The following SGCZ variants were observed in gnomAD, a reference collection of about 807,000 sequenced individuals.
The protein encoded by SGCZ is zeta-sarcoglycan.
In SGCZ, 40 loss-of-function variants were observed where a neutral mutation model predicts 41.3. That is an observed-to-expected ratio of 0.97 (90% CI 0.75 to 1.26). The LOEUF (loss-of-function observed/expected upper bound fraction) is 1.26. Ranked by LOEUF, SGCZ falls within the 50% of genes most tolerant of loss-of-function variation. The pLI, the probability that SGCZ is intolerant of heterozygous loss-of-function variation, is 0.00. For synonymous variants in SGCZ, 206 were observed against 137.5 expected, an observed-to-expected ratio of 1.50 and a Z score of -3.49; for missense variants, 552 against 369.8, an observed-to-expected ratio of 1.49 and a Z score of -4.04.
intron 2 of SGCZ, among the ~76,000 whole-genome samples, chr8:14,463,331 CA>C (rs1360966622): frequency 6.8e-6 from 1 of 146,406 alleles, no homozygotes; most frequent in Non-Finnish European, 1.5e-5. Context: ...ATACAGTAAT[CA>C]ATAGTGTAGT....
intron 1 of SGCZ, among the ~76,000 whole-genome samples, chr8:15,137,867 G>T (rs1162695952): frequency 6.6e-6 from 1 of 152,204 alleles, no homozygotes; most frequent in Non-Finnish European, 1.5e-5. Flanking sequence ...AGTCCCCACT[G>T]GGGCACTGCC....
At chr8:15,169,799 C>G (rs551319573) in intron 1 of SGCZ, among the ~76,000 whole-genome samples, 9 of 152,308 alleles carry the variant, frequency 5.9e-5, no homozygotes, top group South Asian at 2.1e-4. Flanking sequence ...GGCTCCATCT[C>G]CCAATACCAC....
At chr8:14,579,230 C>T (rs988805732) in intron 1 of SGCZ, among the ~76,000 whole-genome samples, 2 of 152,100 alleles carry the variant, frequency 1.3e-5, no homozygotes, top group East Asian at 1.9e-4. Context: ...GTGTTGAATG[C>T]TTTACTAAAT....
chr8:14,490,130 T>C (rs1801801580), intron 2 of SGCZ, among the ~76,000 whole-genome samples: 1 of 152,114 alleles, frequency 6.6e-6, no homozygotes. Context: ...CCTTCAAAAG[T>C]TCTGGGATTA....
chr8:14,816,735 G>C (rs181906971), intron 1 of SGCZ, among the ~76,000 whole-genome samples: 54 of 152,252 alleles, frequency 3.5e-4, no homozygotes, highest in Non-Finnish European at 7.2e-4. Flanking sequence ...TAAAAGAATT[G>C]TAAGCTCCAT....
At chr8:14,979,053 C>G (rs980995043) in intron 1 of SGCZ, among the ~76,000 whole-genome samples, 1 of 152,190 alleles carries the variant, frequency 6.6e-6, no homozygotes, top group Non-Finnish European at 1.5e-5. Context: ...CCTGCCTCAG[C>G]CTTCCAAAGT....
chr8:14,788,300 G>A (rs1054952941), intron 1 of SGCZ, among the ~76,000 whole-genome samples: 12 of 152,254 alleles, frequency 7.9e-5, no homozygotes, highest in Middle Eastern at 3.4e-3. Context: ...AGTGTGGAAA[G>A]GGCACTGAAC....
chr8:14,986,713 T>G lies in SGCZ; in HGVS notation c.39+250872A>C, dbSNP rs537333824. Among the ~76,000 whole-genome samples, 39 of 152,158 alleles carry G rather than the reference T, an allele frequency of 2.6e-4. No individual in the cohort carries two copies. In the East Asian group the frequency reaches 6.2e-3, roughly 24 times the overall value. On this transcript the variant is annotated intron_variant, in intron 1 of 7. Transcript: ENST00000382080. ...ACCTAATTGGAGAAAATGTTCTAAG[T>G]GCAAGATTATCTCTCCTGACCTGGT...
chr8:14,560,072 T>G (rs59299000), intron 1 of SGCZ, among the ~76,000 whole-genome samples: 25,593 of 151,938 alleles, frequency 0.17, 2,410 homozygotes, highest in African/African-American at 0.25. Flanking sequence ...AAGAGAATAG[T>G]ATGAAGAGAA....
In SGCZ at chr8:15,085,872, A is replaced by C. The variant is rs116644070; in HGVS notation, c.39+151713T>G. 8.6e-3 allele frequency among the ~76,000 whole-genome samples: 1,304 copies of C among 152,126 alleles called. 19 individuals are homozygous for C. The highest frequency in any genetic ancestry group is 0.028 in the African/African-American group (1,168 of 41,506). ...GCATACCCCTGTGGATATTTCTCCCACCTATCATCACCTACCCTCCTGTTG... is the reference window on the plus strand; with the variant it reads ...GCATACCCCTGTGGATATTTCTCCCCCCTATCATCACCTACCCTCCTGTTG... On this transcript the variant is annotated intron_variant, in intron 1 of 7. Transcript: ENST00000382080.
chr8:14,465,655 C>T (rs982682648), intron 2 of SGCZ, among the ~76,000 whole-genome samples: 3 of 151,342 alleles, frequency 2.0e-5, no homozygotes, highest in Non-Finnish European at 4.4e-5. Flanking sequence ...CTTTCATGTA[C>T]ATTATTTAGC....
At chr8:15,202,183 T>C (rs1454791094) in intron 1 of SGCZ, among the ~76,000 whole-genome samples, 1 of 152,212 alleles carries the variant, frequency 6.6e-6, no homozygotes, top group Non-Finnish European at 1.5e-5. Context: ...ATGTGATCTT[T>C]TGTCATTGCT....
At chr8:14,439,475 G>T (rs1039855009) in intron 2 of SGCZ, among the ~76,000 whole-genome samples, 23 of 151,462 alleles carry the variant, frequency 1.5e-4, no homozygotes, top group African/African-American at 5.1e-4. Context: ...GACCAAGACA[G>T]TACAAAAACA....
intron 1 of SGCZ, among the ~76,000 whole-genome samples, chr8:14,841,881 C>G (rs1215548162): frequency 6.6e-6 from 1 of 152,160 alleles, no homozygotes; most frequent in Non-Finnish European, 1.5e-5. Flanking sequence ...AAGATGAGAA[C>G]TGAGGCCACC....
intron 4 of SGCZ, among the ~76,000 whole-genome samples, chr8:14,177,335 G>A (rs1804573497): frequency 6.6e-6 from 1 of 152,194 alleles, no homozygotes. Context: ...AAGACTGAAC[G>A]CATGACAGGT....
At chr8:14,822,647 C>A (rs1385555353) in intron 1 of SGCZ, among the ~76,000 whole-genome samples, 2 of 151,852 alleles carry the variant, frequency 1.3e-5, no homozygotes, top group African/African-American at 4.8e-5. Context: ...ACCAACAGAA[C>A]AAAAGAGAGC....
At position 14,715,534 on chromosome 8, in the gene SGCZ, CCA is replaced by C. The variant is rs3069627; in HGVS notation, c.40-160610_40-160609del. 1.6e-3 allele frequency among the ~76,000 whole-genome samples: 208 copies of C among 132,786 alleles called. 2 individuals are homozygous for C. Among genetic ancestry groups the C allele is most frequent in the Non-Finnish European group, 1.9e-3 (120 of 62,904 alleles). The allele number at this position is 132,786 out of a possible 152,430, so 87.1% of individuals were successfully genotyped here. A position where few individuals can be genotyped will look rare whatever the true frequency, so the allele number is the denominator to read the frequency against. ...GGTAAAATTACACAGATATCCTCCACCACACACACACACACACACACACACAA... is the reference window on the plus strand; with the variant it reads ...GGTAAAATTACACAGATATCCTCCACCACACACACACACACACACACACAA... On this transcript the variant is annotated intron_variant, in intron 1 of 7. Transcript: ENST00000382080.
At chr8:14,747,408 T>G in intron 1 of SGCZ, among the ~76,000 whole-genome samples, 1 of 152,246 alleles carries the variant, frequency 6.6e-6, no homozygotes, top group East Asian at 1.9e-4. Flanking sequence ...CCTGCAACAA[T>G]ACGGTGACAA....
chr8:14,337,428 G>A (rs1431753433), intron 2 of SGCZ, among the ~76,000 whole-genome samples: 1 of 152,068 alleles, frequency 6.6e-6, no homozygotes, highest in Non-Finnish European at 1.5e-5. Context: ...TGATCAGGTG[G>A]TCAGAACATA....
Sources: gnomAD v4.1 joint callset for allele counts (sites outside exome capture counted in the v4.1 genomes callset) on GRCh38, gnomAD v4.1.1 for gene constraint, MANE v1.5 for transcripts, NCBI Gene and HGNC (gene_info 2026-07-23, HGNC 2026-07-21) for gene names.